The following ARHGEF7 variants were observed in gnomAD, a reference collection of about 807,000 sequenced individuals.
The protein encoded by ARHGEF7 is Rho guanine nucleotide exchange factor 7.
In ARHGEF7, 33 loss-of-function variants were observed where a neutral mutation model predicts 109.8. That is an observed-to-expected ratio of 0.30 (90% CI 0.23 to 0.40). The LOEUF (loss-of-function observed/expected upper bound fraction) is 0.40, where lower values mean the gene tolerates loss of function less well. Among genes scored for constraint, ARHGEF7 ranks in the 10% least tolerant of loss-of-function variants. The pLI is 1.00. For synonymous variants in ARHGEF7, 458 were observed against 424.6 expected (o/e 1.08, Z -0.97); for missense variants, 938 against 1,098.5 (o/e 0.85, Z 2.07).
intron 1 of ARHGEF7, 24 bp from the exon 2 acceptor site, chr13:111,153,881 C>G (rs751200698): frequency 1.9e-6 from 3 of 1,585,220 alleles, no homozygotes; most frequent in African/African-American, 1.4e-5. Flanking sequence ...CCACGGCGCT[C>G]AGCGCTTGTG....
chr13:111,264,838 A>G (rs558005780), intron 8 of ARHGEF7, among the ~76,000 whole-genome samples: 54 of 152,194 alleles, frequency 3.5e-4, no homozygotes, highest in African/African-American at 8.2e-4. Context: ...TTACATTTCT[A>G]TTGTCTGTAT....
intron 4 of ARHGEF7, among the ~76,000 whole-genome samples, chr13:111,215,903 G>GT (rs1042481382): frequency 3.0e-5 from 3 of 101,010 alleles, no homozygotes; most frequent in African/African-American, 1.1e-4. Context: ...TTTCTTTTCA[G>GT]TTTTTTTGTT....
intron 17 of ARHGEF7, among the ~76,000 whole-genome samples, chr13:111,287,202 C>T (rs2093056216): frequency 6.6e-6 from 1 of 152,184 alleles, no homozygotes; most frequent in African/African-American, 2.4e-5. Flanking sequence ...TGTCCTTCTC[C>T]TTAGGTAGTC....
chr13:111,162,065 G>A (rs1032674199), intron 2 of ARHGEF7, among the ~76,000 whole-genome samples: 2 of 152,128 alleles, frequency 1.3e-5, no homozygotes, highest in African/African-American at 2.4e-5. Flanking sequence ...CCAAAGGTGG[G>A]GGCTTTCAAA....
chr13:111,139,399 CCTCT>C (rs1165311023), intron 1 of ARHGEF7, among the ~76,000 whole-genome samples: 5 of 152,200 alleles, frequency 3.3e-5, no homozygotes, highest in Non-Finnish European at 5.9e-5. Context: ...ACATCCTCTA[CCTCT>C]CTGTCTCTCC....
chr13:111,176,944 A>G (rs1016604825), intron 2 of ARHGEF7, among the ~76,000 whole-genome samples: 4 of 152,106 alleles, frequency 2.6e-5, no homozygotes, highest in African/African-American at 9.7e-5. Context: ...TTTAATAGAG[A>G]CGGGGCTTCA....
intron 8 of ARHGEF7, among the ~76,000 whole-genome samples, chr13:111,247,739 G>T (rs777661910): frequency 5.3e-5 from 8 of 152,174 alleles, no homozygotes; most frequent in Non-Finnish European, 7.3e-5. Context: ...AAGTTTCACT[G>T]GCACGTGCTG....
rs1431153343 is a variant in ARHGEF7, at chr13:111,283,078, C to T, written c.1726-61C>T. The T allele has an allele frequency of 2.0e-6, 3 of 1,532,000 alleles. No individual in the cohort carries two copies. In the Admixed American group the frequency reaches 5.9e-5, roughly 30 times the overall value. 94.9% of individuals were successfully genotyped at this position (1,532,000 alleles called of 1,614,324 possible). A position where few individuals can be genotyped will look rare whatever the true frequency, so the allele number is the denominator to read the frequency against. On this transcript the variant is annotated intron_variant, in intron 15 of 21. Transcript: ENST00000646102. ...CAGAAGGAAGTGCGTGATAAGTGCC[C>T]TTTCGCGGTGAGCACGCGAGTCTCA...
chr13:111,210,108 G>A, intron 4 of ARHGEF7, 106 bp downstream of exon 4: 1 of 1,457,370 alleles, frequency 6.9e-7, no homozygotes, highest in South Asian at 1.3e-5. Flanking sequence ...GTTAAACAGG[G>A]CAAAGGTAGC....
At chr13:111,290,311 A>G (rs530481779) in intron 18 of ARHGEF7, among the ~76,000 whole-genome samples, 1 of 152,374 alleles carries the variant, frequency 6.6e-6, no homozygotes, top group Admixed American at 6.5e-5. Context: ...AAGTAACAAT[A>G]TAACAGTAAA....
At chr13:111,139,930 C>G (rs961960445) in intron 1 of ARHGEF7, among the ~76,000 whole-genome samples, 1 of 152,258 alleles carries the variant, frequency 6.6e-6, no homozygotes, top group Non-Finnish European at 1.5e-5. Context: ...TAAGGTAAAA[C>G]TAAGACAATC....
intron 2 of ARHGEF7, among the ~76,000 whole-genome samples, chr13:111,176,983 C>G (rs1751165056): frequency 6.6e-6 from 1 of 152,242 alleles, no homozygotes; most frequent in African/African-American, 2.4e-5. Flanking sequence ...TCTTGAACTC[C>G]TGACCACAGG....
rs181599646 is a variant in ARHGEF7, at chr13:111,292,135, C to T, written c.2152C>T (p.Leu718=). The change falls in exon 19 of 22, where the codon CTG becomes TTG. Residue 718 remains leucine, a synonymous_variant. Transcript: ENST00000646102. ...CGTCTTAGCATGGCAAGGCACTGAC[C>T]TGATGCATAATCACGTCTTGGCTGA... ...TLNSTWQGTD[L]MHNHVLADDD... 1 of 1,612,994 alleles carries T rather than the reference C, an allele frequency of 6.2e-7. No individual in the cohort carries two copies. Among genetic ancestry groups the T allele is most frequent in the East Asian group, 2.2e-5 (1 of 44,876 alleles).
intron 2 of ARHGEF7, among the ~76,000 whole-genome samples, chr13:111,198,434 G>T (rs2080823362): frequency 6.6e-6 from 1 of 152,132 alleles, no homozygotes; most frequent in Non-Finnish European, 1.5e-5. Flanking sequence ...AAGATGGTGT[G>T]TCCGGAGTTT....
chr13:111,292,110 C>T lies in ARHGEF7; in HGVS notation c.2135-8C>T, dbSNP rs371455731. On this transcript the variant is annotated splice_region_variant and splice_polypyrimidine_tract_variant and intron_variant, in intron 18 of 21. Coordinates refer to ENST00000646102, the MANE Select transcript of ARHGEF7 (RefSeq NM_001354046.2). ...TGTCGCGCCTGTCCCTCCGCCCGCC[C>T]GTCTTAGCATGGCAAGGCACTGACC... The T allele has an allele frequency of 5.0e-5, 81 of 1,610,294 alleles. No individual in the cohort carries two copies. Among genetic ancestry groups the T allele is most frequent in the Non-Finnish European group, 6.2e-5 (73 of 1,178,292 alleles).
chr13:111,244,591 G>A (rs543595056), intron 8 of ARHGEF7, among the ~76,000 whole-genome samples: 4 of 152,330 alleles, frequency 2.6e-5, no homozygotes, highest in Admixed American at 2.6e-4. Context: ...CAGGACCACT[G>A]AGGGGACAAG....
chr13:111,185,054 A>C (rs942892461), intron 2 of ARHGEF7: 1 of 151,882 alleles, frequency 6.6e-6, no homozygotes, highest in South Asian at 2.1e-4. Context: ...CTAGTGGTGC[A>C]TCAGGTTCCG....
At chr13:111,153,454 A>T (rs1198994245) in intron 1 of ARHGEF7, among the ~76,000 whole-genome samples, 1 of 151,696 alleles carries the variant, frequency 6.6e-6, no homozygotes, top group African/African-American at 2.4e-5. Flanking sequence ...CGAAGACTGG[A>T]CAGGAGGAGG....
rs142453197 is a variant in ARHGEF7, at chr13:111,268,361, A to G, written c.1073+691A>G. ...GATTTATATTAATGTTTTACAAAAA[A>G]TTAATACAAAGATTTGTATTAATAT... is the stretch of plus-strand genomic sequence containing the variant. On this transcript the variant is annotated intron_variant, in intron 9 of 21. Coordinates refer to ENST00000646102, the MANE Select transcript of ARHGEF7 (RefSeq NM_001354046.2). Among the ~76,000 whole-genome samples, 860 of 152,304 alleles carry G rather than the reference A, an allele frequency of 5.6e-3. 7 individuals carry two copies. The highest frequency in any genetic ancestry group is 0.02 in the African/African-American group (812 of 41,578).
Sources: gnomAD v4.1 joint callset for allele counts (sites outside exome capture counted in the v4.1 genomes callset) on GRCh38, gnomAD v4.1.1 for gene constraint, MANE v1.5 for transcripts, NCBI Gene and HGNC (gene_info 2026-07-23, HGNC 2026-07-21) for gene names.